The following CYTH2 variants were observed in gnomAD, a reference collection of about 807,000 sequenced individuals.
The protein encoded by CYTH2 is cytohesin-2.
CYTH2 carries 24 observed loss-of-function variants against 55.4 expected under a neutral mutation model. The ratio of observed to expected loss-of-function variants is 0.43; its 90% CI spans 0.31 to 0.61. CYTH2 has a LOEUF of 0.61. Among genes scored for constraint, CYTH2 ranks in the 20% least tolerant of loss-of-function variants. The pLI, the probability that CYTH2 is intolerant of heterozygous loss-of-function variation, is 0.08. For missense variants in CYTH2, 378 were observed against 533.5 expected, an observed-to-expected ratio of 0.71 and a Z score of 2.87; for synonymous variants, 221 against 209.6, an observed-to-expected ratio of 1.05 and a Z score of -0.47.
Position 48,480,640 on chromosome 19 carries a change from C to A in CYTH2, c.*1430C>A, listed in dbSNP as rs576842719. ...TTGTCTTCTTTTTCTTAGTCAGATCCCGTACTTTTGTGGAGGGTAGAGGAG... is the reference window on the plus strand; with the variant it reads ...TTGTCTTCTTTTTCTTAGTCAGATCACGTACTTTTGTGGAGGGTAGAGGAG... On this transcript the variant is annotated 3_prime_UTR_variant, in exon 12 of 12. Coordinates refer to ENST00000452733, the MANE Select transcript of CYTH2 (RefSeq NM_004228.7). The A allele has an allele frequency of 6.6e-6, 1 of 152,178 alleles. No homozygotes were observed. The highest frequency in any genetic ancestry group is 6.5e-5 in the Admixed American group (1 of 15,272). 9.4% of individuals were successfully genotyped at this position (152,178 alleles called of 1,614,324 possible).
In CYTH2 at chr19:48,479,118, T is replaced by G; in HGVS notation, c.1113-5T>G. 6.2e-7 allele frequency: 1 copy of G among 1,613,986 alleles called. No homozygotes were observed. The highest frequency in any genetic ancestry group is 8.5e-7 in the Non-Finnish European group (1 of 1,179,930). ...CCTCATCCTGGGACCCCTCCCCTTC[T>G]GCAGGGCGGCTGTGAGTGTGGACCC... On this transcript the variant is annotated splice_region_variant and splice_polypyrimidine_tract_variant and intron_variant, in intron 11 of 11. Transcript: ENST00000452733.
In CYTH2 at chr19:48,472,315, C is replaced by T; in HGVS notation, c.235-10C>T. The T allele has an allele frequency of 6.2e-7, 1 of 1,613,238 alleles. No homozygotes were observed. The highest frequency in any genetic ancestry group is 8.5e-7 in the Non-Finnish European group (1 of 1,179,546). On this transcript the variant is annotated splice_polypyrimidine_tract_variant and intron_variant, in intron 3 of 11. Coordinates refer to ENST00000452733, the MANE Select transcript of CYTH2 (RefSeq NM_004228.7). ...GCCCTCAGCACTGAGACCTTGTCCCCACCCACCAGGGGATCCAGTTCTTGG... is the reference window on the plus strand; with the variant it reads ...GCCCTCAGCACTGAGACCTTGTCCCTACCCACCAGGGGATCCAGTTCTTGG...
rs1972054215 is a variant in CYTH2 at position 48,482,200 on chromosome 19, A to G, written c.*2990A>G. 6.6e-6 allele frequency: 1 copy of G among 152,086 alleles called. No homozygotes were observed. The highest frequency in any genetic ancestry group is 1.5e-5 in the Non-Finnish European group (1 of 68,054). The allele number at this position is 152,086 out of a possible 1,614,324, so 9.4% of individuals were successfully genotyped here. A position where few individuals can be genotyped will look rare whatever the true frequency, so the allele number is the denominator to read the frequency against. On this transcript the variant is annotated 3_prime_UTR_variant, in exon 12 of 12. Transcript: ENST00000452733. Reference sequence around the variant, plus strand: ...GAGCCAAATCAACCTCTTCCTTTATAAAGACCCAGCCTCAGGTCTTCTGTC... The same window carrying G: ...GAGCCAAATCAACCTCTTCCTTTATGAAGACCCAGCCTCAGGTCTTCTGTC...
At chr19:48,470,181 G>T in intron 1 of CYTH2, 172 bp from the exon 2 acceptor site, 2 of 1,045,086 alleles carry the variant, frequency 1.9e-6, no homozygotes, top group Non-Finnish European at 2.8e-6. Context: ...AGAGTTTAGA[G>T]CCCCAGCTCT....
chr19:48,478,002 C>A, intron 8 of CYTH2, 67 bp from the exon 9 acceptor site: 1 of 1,337,578 alleles, frequency 7.5e-7, no homozygotes, highest in South Asian at 1.2e-5. Context: ...TTCTCACGCC[C>A]CTCCCATCTC....
rs1569093716 is a variant in CYTH2 at position 48,479,251 on chromosome 19, CG to C, written c.*42del. The C allele has an allele frequency of 1.2e-6, 2 of 1,606,442 alleles. No homozygotes were observed. The highest frequency in any genetic ancestry group is 1.7e-5 in the Admixed American group (1 of 59,844). ...TCCATTATTTATTACGGAGCTGCCC[CG>C]CCTGGGTGGCCGGACCCCTGGGCCT... is the stretch of plus-strand genomic sequence containing the variant. On this transcript the variant is annotated 3_prime_UTR_variant, in exon 12 of 12. Transcript: ENST00000452733.
At chr19:48,476,834 C>T (rs907978668) in intron 8 of CYTH2, 6 of 152,180 alleles carry the variant, frequency 3.9e-5, no homozygotes, top group African/African-American at 4.8e-5. Context: ...CGAGATCACA[C>T]CATTGCAAAT....
chr19:48,477,767 G>C (rs771401228), intron 8 of CYTH2: 1 of 439,582 alleles, frequency 2.3e-6, no homozygotes, highest in Non-Finnish European at 4.1e-6. Flanking sequence ...CGAGGGGAGG[G>C]GGCTGCCCTG....
chr19:48,469,369 A>T lies in CYTH2; in HGVS notation c.-139A>T. ...GGGCGACGAAGGGAAGAGTCTTTTC[A>T]GCGCTGAGGACTGGCGCTGAGGAGG... On this transcript the variant is annotated 5_prime_UTR_variant, in exon 1 of 12. Transcript: ENST00000452733. 1 of 1,003,032 alleles carries T rather than the reference A, an allele frequency of 1.0e-6. No homozygotes were observed. Among genetic ancestry groups the T allele is most frequent in the Non-Finnish European group, 1.3e-6 (1 of 764,686 alleles). The allele number at this position is 1,003,032 out of a possible 1,614,324, so 62.1% of individuals were successfully genotyped here. A position where few individuals can be genotyped will look rare whatever the true frequency, so the allele number is the denominator to read the frequency against.
chr19:48,472,548 C>G (rs1373448692), intron 4 of CYTH2, 105 bp downstream of exon 4: 2 of 919,478 alleles, frequency 2.2e-6, no homozygotes, highest in Non-Finnish European at 3.5e-6. Context: ...CTGCAGCCTC[C>G]CCGCAGAGGG....
In CYTH2 at chr19:48,470,370, C is replaced by A. The variant is rs1380712600; in HGVS notation, c.37C>A (p.Pro13Thr). 6.2e-7 allele frequency: 1 copy of A among 1,612,910 alleles called. No individual in the cohort carries two copies. Residue 13 changes from proline to threonine, a missense_variant, in exon 2 of 12, where the codon CCG becomes ACG. Pro to Thr is a conservative substitution (Grantham distance 38, BLOSUM62 -1). Coordinates refer to ENST00000452733, the MANE Select transcript of CYTH2 (RefSeq NM_004228.7). ...ATCCCTAGAACCCCCAGACCTGACT[C>A]CGGAGGAGCGGATGGAGCTGGAGAA... ...DGVYEPPDLT[P>T]EERMELENIR...
chr19:48,470,751 A>G, intron 3 of CYTH2, 82 bp downstream of exon 3: 1 of 1,496,234 alleles, frequency 6.7e-7, no homozygotes, highest in Non-Finnish European at 9.3e-7. Context: ...CAGAAGCGTG[A>G]TGGTGCCGGG....
At position 48,472,520 on chromosome 19, in the gene CYTH2, C is replaced by A. The variant is rs930802619; in HGVS notation, c.353+77C>A. On this transcript the variant is annotated intron_variant, in intron 4 of 11. Coordinates refer to ENST00000452733, the MANE Select transcript of CYTH2 (RefSeq NM_004228.7). The stretch of plus-strand genomic sequence containing the variant: ...CCAGCTCCTGCCCTCACACTGGCAG[C>A]TCACAGGTGGAACAGCCCTGCAGCC... 5 of 1,218,076 alleles carry A rather than the reference C, an allele frequency of 4.1e-6. No homozygotes were observed. In the Admixed American group the frequency reaches 7.9e-5, roughly 19 times the overall value. 75.5% of individuals were successfully genotyped at this position (1,218,076 alleles called of 1,614,324 possible).
At chr19:48,475,077 G>C (rs760671878) in intron 8 of CYTH2, 128 bp downstream of exon 8, 2 of 789,642 alleles carry the variant, frequency 2.5e-6, no homozygotes, top group Admixed American at 5.8e-5. Context: ...CTGAACCTCA[G>C]TTTTCCACAC....
intron 3 of CYTH2, among the ~76,000 whole-genome samples, chr19:48,472,120 C>A (rs1246356459): frequency 6.6e-6 from 1 of 152,186 alleles, no homozygotes; most frequent in African/African-American, 2.4e-5. Flanking sequence ...CTGGAATTAA[C>A]CAGGCAAAGG....
At chr19:48,469,847 C>A in intron 1 of CYTH2, 1 of 332,696 alleles carries the variant, frequency 3.0e-6, no homozygotes. Context: ...GGGAGGGGCG[C>A]TTGGGTTGCG....
At position 48,472,345 on chromosome 19, in the gene CYTH2, G is replaced by A. The variant is rs200785259; in HGVS notation, c.255G>A (p.Glu85=). Residue 85 remains glutamate (E), a synonymous_variant, in exon 4 of 12, where the codon GAG becomes GAA. Coordinates refer to ENST00000452733, the MANE Select transcript of CYTH2 (RefSeq NM_004228.7). ...DPKKGIQFLV[E]NELLQNTPEE... is the part of the protein sequence containing the mutation. ...ACCAGGGGATCCAGTTCTTGGTGGA[G>A]AATGAACTGCTGCAGAACACACCCG... 5.6e-6 allele frequency: 9 copies of A among 1,613,948 alleles called. No homozygotes were observed. The highest frequency in any genetic ancestry group is 7.6e-6 in the Non-Finnish European group (9 of 1,180,044).
In CYTH2 at chr19:48,474,712, C is replaced by T. The variant is rs773839604; in HGVS notation, c.697-126C>T. 2.6e-6 allele frequency: 2 copies of T among 777,506 alleles called. No individual in the cohort carries two copies. Among genetic ancestry groups the T allele is most frequent in the Non-Finnish European group, 4.3e-6 (2 of 466,548 alleles). The allele number at this position is 777,506 out of a possible 1,614,324, so 48.2% of individuals were successfully genotyped here. A position where few individuals can be genotyped will look rare whatever the true frequency, so the allele number is the denominator to read the frequency against. ...CTTCTCTGCCTTTCACTTCCCTCTC[C>T]TCCCCACTACCCCTCTCTCTTCCCC... On this transcript the variant is annotated intron_variant, in intron 7 of 11. Coordinates refer to ENST00000452733, the MANE Select transcript of CYTH2 (RefSeq NM_004228.7). The surrounding 1 kb of genome is among the most constrained non-coding windows in gnomAD (Gnocchi z 4.9).
chr19:48,471,367 C>T (rs1052231012), intron 3 of CYTH2, among the ~76,000 whole-genome samples: 85 of 152,108 alleles, frequency 5.6e-4, no homozygotes, highest in African/African-American at 1.8e-3. Context: ...GGCCAGGCTG[C>T]TTCCAAACTC....
Sources: allele counts gnomAD v4.1 joint callset (sites outside exome capture counted in the v4.1 genomes callset), GRCh38; gene constraint gnomAD v4.1.1; non-coding constraint Gnocchi (gnomAD v3.1); transcripts MANE v1.5; gene names NCBI Gene and HGNC (gene_info 2026-07-23, HGNC 2026-07-21).